The following RBM6 variants were observed in gnomAD, a reference collection of about 807,000 sequenced individuals.
RBM6 encodes RNA binding motif protein 6, also known as RNA-binding protein 6.
A neutral mutation model predicts 140.4 loss-of-function variants in RBM6; 23 were observed. That is an observed-to-expected ratio of 0.16 (90% CI 0.12 to 0.23). The LOEUF (loss-of-function observed/expected upper bound fraction) is 0.23. Among genes scored for constraint, RBM6 ranks in the 10% least tolerant of loss-of-function variants. The probability of loss-of-function intolerance (pLI) is 1.00; values close to 1 mark genes in which losing one functional copy is unlikely to be tolerated. For missense variants in RBM6, 1,139 were observed against 1,386.7 expected, an observed-to-expected ratio of 0.82 and a Z score of 2.84; for synonymous variants, 439 against 475.6, an observed-to-expected ratio of 0.92 and a Z score of 1.00.
At chr3:50,004,195 T>G (rs961364877) in intron 6 of RBM6, among the ~76,000 whole-genome samples, 1 of 152,198 alleles carries the variant, frequency 6.6e-6, no homozygotes, top group Non-Finnish European at 1.5e-5. Context: ...AAAGTGCCCT[T>G]ATAGAAGATA....
intron 3 of RBM6, among the ~76,000 whole-genome samples, chr3:49,969,245 G>A (rs1241480693): frequency 3.4e-5 from 5 of 149,094 alleles, no homozygotes; most frequent in East Asian, 2.0e-4. Context: ...GGCTGGTCTC[G>A]AACTCCTGAC....
In RBM6 at chr3:50,057,781, A is replaced by G. The variant is rs773583468; in HGVS notation, c.1747A>G (p.Ile583Val). Residue 583 changes from isoleucine (I) to valine (V), a missense_variant, in exon 9 of 21, where the codon ATA becomes GTA. Physicochemically the swap from Ile to Val is conservative, Grantham distance 29. This residue lies in a region of RBM6 where 109 missense variants were observed against 101.9 expected (regional missense o/e 1.07). Coordinates refer to ENST00000266022, the MANE Select transcript of RBM6 (RefSeq NM_005777.3). ...ITYPQPQKTS[I>V]PAPLEKQPNQ... is the part of the protein sequence containing the mutation. ...CTACCCTCAGCCTCAGAAAACATCC[A>G]TACCAGCACCATTGGAAAAACAGCC... is the stretch of plus-strand genomic sequence containing the variant. 6.8e-6 allele frequency: 11 copies of G among 1,613,650 alleles called. No individual in the cohort carries two copies. Among genetic ancestry groups the G allele is most frequent in the East Asian group, 2.2e-5 (1 of 44,862 alleles).
At chr3:50,026,484 A>C (rs1040178131) in intron 6 of RBM6, among the ~76,000 whole-genome samples, 1 of 149,914 alleles carries the variant, frequency 6.7e-6, no homozygotes, top group African/African-American at 2.5e-5. Flanking sequence ...GGTTCAAGCC[A>C]TTTTCCTGCC....
rs1201660512 is a variant in RBM6, at chr3:50,059,642, T to C, written c.2131-7T>C. The C allele has an allele frequency of 1.2e-6, 2 of 1,612,090 alleles. No homozygotes were observed. The highest frequency in any genetic ancestry group is 8.5e-7 in the Non-Finnish European group (1 of 1,178,740). The stretch of plus-strand genomic sequence containing the variant: ...GTCTCTGGGTTCAAGTGTGTCTGGT[T>C]CTATAGGAAGCTCTTCGTGTGGTGA... On this transcript the variant is annotated splice_polypyrimidine_tract_variant and splice_region_variant and intron_variant, in intron 10 of 20. Coordinates refer to ENST00000266022, the MANE Select transcript of RBM6 (RefSeq NM_005777.3).
chr3:50,057,587 CAAAAAA>C (rs4030422), intron 8 of RBM6, 135 bp from the exon 9 acceptor site: 43 of 219,104 alleles, frequency 2.0e-4, no homozygotes, highest in South Asian at 2.3e-4. Flanking sequence ...AACTCCGTCT[CAAAAAA>C]AAAAAAAAAA....
chr3:49,979,856 G>A (rs1438861209), intron 5 of RBM6, among the ~76,000 whole-genome samples: 2 of 152,098 alleles, frequency 1.3e-5, no homozygotes, highest in Non-Finnish European at 2.9e-5. Flanking sequence ...CCAGGGTATT[G>A]GGGGAGGAGT....
At chr3:50,016,277 C>T (rs1385473875) in intron 6 of RBM6, among the ~76,000 whole-genome samples, 1 of 151,974 alleles carries the variant, frequency 6.6e-6, no homozygotes, top group East Asian at 1.9e-4. Flanking sequence ...GCAGAATTTC[C>T]TTCTTTTTTA....
Position 50,040,491 on chromosome 3 carries a change from T to TACAC in RBM6, c.1558-7753_1558-7752insCACA, listed in dbSNP as rs1373091608. Among the ~76,000 whole-genome samples the TACAC allele has an allele frequency of 2.6e-3, 246 of 95,634 alleles. 1 individual carries two copies. The highest frequency in any genetic ancestry group is 8.4e-3 in the African/African-American group (207 of 24,758). 62.7% of individuals were successfully genotyped at this position (95,634 alleles called of 152,430 possible). ...AAAAAAATATATATATATATATATA[T>TACAC]ATACACACACACACACACACACACA... On this transcript the variant is annotated intron_variant, in intron 6 of 20. Coordinates refer to ENST00000266022, the MANE Select transcript of RBM6 (RefSeq NM_005777.3).
chr3:50,057,977 A>G lies in RBM6; in HGVS notation c.1943A>G (p.Glu648Gly), dbSNP rs2089781553. 1 of 1,613,814 alleles carries G rather than the reference A, an allele frequency of 6.2e-7. No individual in the cohort carries two copies. The highest frequency in any genetic ancestry group is 1.7e-4 in the Middle Eastern group (1 of 5,870). Residue 648 changes from glutamate (E) to glycine (G), a missense_variant, in exon 9 of 21, where the codon GAG (glutamate) becomes GGG (glycine). By Grantham distance (98) the Glu-to-Gly change is moderately conservative. Around this residue, in one of 9 missense-constraint regions of RBM6, gnomAD observed 109 missense variants for 101.9 expected, o/e 1.07. Transcript: ENST00000266022. ...RDRERESWSG[E>G]TRQDGESKTI... ...CGAGAGAGGGAGTCATGGTCTGGAG[A>G]GACACGCCAGGATGGAGAGAGCAAA...
chr3:50,030,929 G>C (rs993701627), intron 6 of RBM6, among the ~76,000 whole-genome samples: 1 of 152,140 alleles, frequency 6.6e-6, no homozygotes, highest in Non-Finnish European at 1.5e-5. Flanking sequence ...TAGGGGGCTG[G>C]GGGGAAGGTG....
Position 50,061,531 on chromosome 3 carries a change from A to G in RBM6, c.2423A>G (p.Tyr808Cys). Residue 808 changes from tyrosine to cysteine, a missense_variant, in exon 14 of 21, where the codon TAT becomes TGT. This residue lies in a region of RBM6 where 163 missense variants were observed against 182.8 expected (regional missense o/e 0.89). Transcript: ENST00000266022. The stretch of plus-strand genomic sequence containing the variant: ...TATGACCCCTTGGCAGGAACTTATT[A>G]TGACCCCAATACCCAGGTGAGTTTG... Reference protein sequence around the residue: ...YYYDPLAGTYYDPNTQQEVYV... With the variant: ...YYYDPLAGTYCDPNTQQEVYV... 1 of 1,530,652 alleles carries G rather than the reference A, an allele frequency of 6.5e-7. No homozygotes were observed. The highest frequency in any genetic ancestry group is 8.8e-7 in the Non-Finnish European group (1 of 1,131,534). 94.8% of individuals were successfully genotyped at this position (1,530,652 alleles called of 1,614,324 possible).
intron 5 of RBM6, among the ~76,000 whole-genome samples, chr3:49,992,810 A>G (rs2085887169): frequency 6.6e-6 from 1 of 152,196 alleles, no homozygotes; most frequent in Non-Finnish European, 1.5e-5. Flanking sequence ...CTCTGCATAG[A>G]CAGTTCTGCA....
In RBM6 at chr3:50,066,511, G is replaced by C; in HGVS notation, c.2943+9G>C. On this transcript the variant is annotated intron_variant, in intron 17 of 20. Coordinates refer to ENST00000266022, the MANE Select transcript of RBM6 (RefSeq NM_005777.3). ...TGTCAGACCTGCACAAGGTATTAGG[G>C]GAAGGAGCTATGCCCTTTCAAACTG... 1 of 1,611,410 alleles carries C rather than the reference G, an allele frequency of 6.2e-7. No homozygotes were observed. Among genetic ancestry groups the C allele is most frequent in the Non-Finnish European group, 8.5e-7 (1 of 1,179,224 alleles).
chr3:49,982,504 T>A (rs573393936), intron 5 of RBM6, among the ~76,000 whole-genome samples: 36 of 152,104 alleles, frequency 2.4e-4, no homozygotes, highest in Non-Finnish European at 4.3e-4. Context: ...AGTCTCTGCC[T>A]CCTGGGTTCA....
In RBM6 at chr3:50,065,169, G is replaced by C. The variant is rs185126836; in HGVS notation, c.2682+43G>C. ...CCCCTGGACCTAGGGCTGGGGCTGG[G>C]GATGGTTCCGAGTAGAAGAGGAAGC... On this transcript the variant is annotated intron_variant, in intron 16 of 20. Coordinates refer to ENST00000266022, the MANE Select transcript of RBM6 (RefSeq NM_005777.3). 580 of 1,495,906 alleles carry C rather than the reference G, an allele frequency of 3.9e-4. 3 individuals carry two copies. In the African/African-American group the frequency reaches 7.1e-3, roughly 18 times the overall value. The allele number at this position is 1,495,906 out of a possible 1,614,324, so 92.7% of individuals were successfully genotyped here. A position where few individuals can be genotyped will look rare whatever the true frequency, so the allele number is the denominator to read the frequency against.
intron 6 of RBM6, among the ~76,000 whole-genome samples, chr3:50,000,487 C>T (rs187075281): frequency 8.8e-4 from 131 of 149,274 alleles, no homozygotes; most frequent in Non-Finnish European, 1.7e-3. Flanking sequence ...ATGGTGCGAT[C>T]TCGGCTCACT....
intron 10 of RBM6, 70 bp from the exon 11 acceptor site, chr3:50,059,576 TCAA>T: frequency 7.9e-7 from 1 of 1,263,598 alleles, no homozygotes; most frequent in Non-Finnish European, 1.1e-6. Flanking sequence ...CACTTCTCTT[TCAA>T]AGGAGAATTT....
intron 8 of RBM6, among the ~76,000 whole-genome samples, chr3:50,056,002 C>G (rs1489004398): frequency 1.3e-5 from 2 of 152,168 alleles, no homozygotes; most frequent in Non-Finnish European, 2.9e-5. Context: ...AGGTAGCCTT[C>G]TGTTTGTTGC....
At chr3:49,952,997 C>T (rs1192579793) in intron 1 of RBM6, among the ~76,000 whole-genome samples, 4 of 152,006 alleles carry the variant, frequency 2.6e-5, no homozygotes, top group Admixed American at 2.6e-4. Context: ...ATCCTCTGAC[C>T]TTGGCCTCAA....
Sources: gnomAD v4.1 joint callset for allele counts (sites outside exome capture counted in the v4.1 genomes callset) on GRCh38, gnomAD v4.1.1 for gene constraint, gnomAD v4.1.1 regional missense constraint, MANE v1.5 for transcripts, NCBI Gene and HGNC (gene_info 2026-07-23, HGNC 2026-07-21) for gene names.